NSF: variants seen among roughly 807,000 people sequenced by gnomAD.
NSF encodes the protein vesicle-fusing ATPase.
Under a neutral mutation model 50.3 loss-of-function variants are expected in NSF, and 14 were observed. The observed-to-expected ratio is 0.28, with a 90% CI of 0.18 to 0.44. NSF has a LOEUF of 0.44. Ranked by LOEUF, NSF falls within the 20% of genes least tolerant of loss-of-function variation. The pLI is 1.00. For synonymous variants in NSF, 109 were observed against 175.7 expected, an observed-to-expected ratio of 0.62 and a Z score of 3.00; for missense variants, 218 against 504.3, an observed-to-expected ratio of 0.43 and a Z score of 5.44.
intron 12 of NSF, among the ~76,000 whole-genome samples, chr17:46,703,688 A>AC (rs1467723911): frequency 6.6e-6 from 1 of 150,504 alleles, no homozygotes; most frequent in African/African-American, 2.5e-5. Context: ...CTCAAAAAAA[A>AC]AAAAAAAAAA....
chr17:46,728,714 T>C, intron 16 of NSF, 141 bp from the exon 17 acceptor site: 2 of 456,756 alleles, frequency 4.4e-6, no homozygotes, highest in Non-Finnish European at 7.6e-6. Flanking sequence ...CTCTTTAAAT[T>C]TTTTTTTTCT....
chr17:46,724,134 C>G (rs2058862650), intron 15 of NSF, among the ~76,000 whole-genome samples: 1 of 152,156 alleles, frequency 6.6e-6, no homozygotes, highest in Admixed American at 6.5e-5. Flanking sequence ...CTGCTTAGAA[C>G]ACTTTCTTCC....
intron 15 of NSF, among the ~76,000 whole-genome samples, chr17:46,725,345 A>G (rs1053222833): frequency 1.3e-5 from 2 of 152,184 alleles, no homozygotes; most frequent in Non-Finnish European, 2.9e-5. Context: ...ACGAAAGGAT[A>G]GATGGGGTTT....
intron 15 of NSF, 49 bp from the exon 16 acceptor site, chr17:46,726,500 C>T (rs373081211): frequency 3.0e-5 from 46 of 1,544,986 alleles, no homozygotes; most frequent in African/African-American, 8.2e-5. Flanking sequence ...TGGAAATTGT[C>T]GTAACTGTGG....
intron 9 of NSF, among the ~76,000 whole-genome samples, chr17:46,678,519 T>C (rs1427106653): frequency 6.6e-6 from 1 of 150,930 alleles, no homozygotes. Flanking sequence ...GAATACCGTT[T>C]AAAGGTCTGG....
chr17:46,723,671 G>A (rs2058856315), intron 15 of NSF, among the ~76,000 whole-genome samples: 1 of 152,056 alleles, frequency 6.6e-6, no homozygotes, highest in Non-Finnish European at 1.5e-5. Flanking sequence ...ACAGATCCTT[G>A]ACTCCAGTTT....
At chr17:46,708,819 TA>T (rs2058686298) in intron 13 of NSF, among the ~76,000 whole-genome samples, 7 of 109,342 alleles carry the variant, frequency 6.4e-5, no homozygotes, top group African/African-American at 1.8e-4. Context: ...TATATATATA[TA>T]TATTTTTTTT....
intron 17 of NSF, among the ~76,000 whole-genome samples, chr17:46,745,489 C>T (rs1411375590): frequency 6.6e-6 from 1 of 152,186 alleles, no homozygotes; most frequent in Non-Finnish European, 1.5e-5. Flanking sequence ...AATCTTTCAA[C>T]ACTTTGAAGA....
chr17:46,722,173 T>C, intron 15 of NSF: 2 of 1,611,372 alleles, frequency 1.2e-6, no homozygotes, highest in Non-Finnish European at 1.7e-6. Context: ...AACATGGCTT[T>C]CTCCTGGGAG....
Position 46,631,061 on chromosome 17 carries a change from T to TACACACACACACACACACAC in NSF, c.238+637_238+656dup, listed in dbSNP as rs61399986. Among the ~76,000 whole-genome samples the TACACACACACACACACACAC allele has an allele frequency of 2.1e-3, 253 of 122,810 alleles. 4 individuals are homozygous for TACACACACACACACACACAC. Among genetic ancestry groups the TACACACACACACACACACAC allele is most frequent in the African/African-American group, 6.5e-3 (165 of 25,518 alleles). The allele number at this position is 122,810 out of a possible 152,430, so 80.6% of individuals were successfully genotyped here. ...CTCTCTGGGTCTCTGTCTCTCTCTG[T>TACACACACACACACACACAC]ACACACACACACACACACACACACA... On this transcript the variant is annotated intron_variant, in intron 4 of 20. Transcript: ENST00000398238.
intron 19 of NSF, among the ~76,000 whole-genome samples, chr17:46,754,420 A>G (rs2059213936): frequency 6.6e-6 from 1 of 152,316 alleles, no homozygotes; most frequent in South Asian, 2.1e-4. Flanking sequence ...AGCATTTGAA[A>G]GTTATTCCTG....
At chr17:46,722,755 A>G (rs115851737) in intron 15 of NSF, among the ~76,000 whole-genome samples, 148,443 of 152,276 alleles carry the variant, frequency 0.97, 72,445 homozygotes, top group East Asian at 1. Flanking sequence ...TGTGAGAAGA[A>G]AAAGGGATGT....
chr17:46,710,150 A>G (rs532232859), intron 13 of NSF, among the ~76,000 whole-genome samples: 1 of 152,318 alleles, frequency 6.6e-6, no homozygotes, highest in South Asian at 2.1e-4. Context: ...AATTCTCAAG[A>G]TACATGATCT....
In NSF at chr17:46,726,425, T is replaced by TATAC. The variant is rs1046743332; in HGVS notation, c.1762-123_1762-122insTACA. Reference sequence around the variant, plus strand: ...CCAGTGTGTCAATTCTAATTTATTGTAGTCCAAAGTGTTGGTGTTTTCCTG... The same window carrying TATAC: ...CCAGTGTGTCAATTCTAATTTATTGTATACAGTCCAAAGTGTTGGTGTTTTCCTG... On this transcript the variant is annotated intron_variant, in intron 15 of 20. Transcript: ENST00000398238. The TATAC allele has an allele frequency of 5.9e-6, 5 of 850,312 alleles. No individual in the cohort carries two copies. In the African/African-American group the frequency reaches 8.3e-5, roughly 14 times the overall value. 52.7% of individuals were successfully genotyped at this position (850,312 alleles called of 1,614,324 possible).
At chr17:46,703,625 C>T (rs1422183667) in intron 12 of NSF, among the ~76,000 whole-genome samples, 7 of 137,062 alleles carry the variant, frequency 5.1e-5, no homozygotes, top group South Asian at 2.3e-4. Flanking sequence ...GAGCTTGCAG[C>T]GTCCGAGATC....
intron 19 of NSF, among the ~76,000 whole-genome samples, chr17:46,752,933 A>G (rs1298310871): frequency 6.6e-6 from 1 of 151,728 alleles, no homozygotes; most frequent in Non-Finnish European, 1.5e-5. Flanking sequence ...ATGCCTGGCT[A>G]ATTTTTTGTA....
Position 46,755,857 on chromosome 17 carries a change from G to C in NSF, c.*34G>C. 1 of 1,607,156 alleles carries C rather than the reference G, an allele frequency of 6.2e-7. No homozygotes were observed. Among genetic ancestry groups the C allele is most frequent in the Non-Finnish European group, 8.5e-7 (1 of 1,176,310 alleles). ...TATTTGAAACACACAGTGACCAAGG[G>C]AAGTGACCAAGGTGAAGATGGCCTA... On this transcript the variant is annotated 3_prime_UTR_variant, in exon 21 of 21. Coordinates refer to ENST00000398238, the MANE Select transcript of NSF (RefSeq NM_006178.4).
At chr17:46,712,511 A>G (rs1422082021) in intron 14 of NSF, among the ~76,000 whole-genome samples, 2 of 152,208 alleles carry the variant, frequency 1.3e-5, no homozygotes, top group African/African-American at 4.8e-5. Flanking sequence ...CACTAATGGA[A>G]AGCAGATTTC....
At chr17:46,710,818 A>C (rs989289052) in intron 13 of NSF, 145 bp from the exon 14 acceptor site, 13 of 659,364 alleles carry the variant, frequency 2.0e-5, no homozygotes, top group Middle Eastern at 4.4e-4. Flanking sequence ...GAGAAATTAT[A>C]CAAGTTGTTT....
Sources: gnomAD v4.1 joint callset for allele counts (sites outside exome capture counted in the v4.1 genomes callset) on GRCh38, gnomAD v4.1.1 for gene constraint, MANE v1.5 for transcripts, NCBI Gene and HGNC (gene_info 2026-07-23, HGNC 2026-07-21) for gene names.